GALNT13: variants seen among roughly 807,000 people sequenced by gnomAD.
The protein encoded by GALNT13 is polypeptide N-acetylgalactosaminyltransferase 13.
Under a neutral mutation model 64.2 loss-of-function variants are expected in GALNT13, and 28 were observed. That is an observed-to-expected ratio of 0.44 (90% CI 0.32 to 0.60). The LOEUF (loss-of-function observed/expected upper bound fraction) is 0.60, where lower values mean the gene tolerates loss of function less well. Ranked by LOEUF, GALNT13 falls within the 20% of genes least tolerant of loss-of-function variation. The pLI is 0.05. For synonymous variants in GALNT13, 214 were observed against 224.6 expected (o/e 0.95, Z 0.42); for missense variants, 577 against 669.8 (o/e 0.86, Z 1.53).
chr2:154,291,890 T>C (rs1692665251), intron 8 of GALNT13, among the ~76,000 whole-genome samples: 1 of 152,236 alleles, frequency 6.6e-6, no homozygotes, highest in South Asian at 2.1e-4. Context: ...GTTTTTTCCT[T>C]TTATGTTTGA....
Position 154,399,968 on chromosome 2 carries a change from G to A in GALNT13, c.1296+3838G>A, listed in dbSNP as rs1258582341. ...GTTCTGTGCTTTCTGGAGTATTAAT[G>A]TACTGTAGTTTTCCACTTTAAAACT... is the stretch of plus-strand genomic sequence containing the variant. On this transcript the variant is annotated intron_variant, in intron 10 of 12. Transcript: ENST00000392825. Among the ~76,000 whole-genome samples the A allele has an allele frequency of 2.0e-5, 3 of 152,062 alleles. 1 individual carries two copies. The South Asian group carries it at 6.2e-4, about 31-fold the overall frequency.
chr2:153,454,284 G>T, the GALNT13 span, among the ~76,000 whole-genome samples: 1 of 151,924 alleles, frequency 6.6e-6, no homozygotes, highest in Non-Finnish European at 1.5e-5. Flanking sequence ...TATATATATA[G>T]AACTGTCTTA....
chr2:153,180,902 C>T, the GALNT13 span, among the ~76,000 whole-genome samples: 4 of 151,010 alleles, frequency 2.6e-5, no homozygotes, highest in Non-Finnish European at 5.9e-5. Flanking sequence ...TTTTTAATTG[C>T]CGATTTTTTC....
chr2:154,189,088 A>G (rs1686421633), intron 4 of GALNT13, among the ~76,000 whole-genome samples: 1 of 152,178 alleles, frequency 6.6e-6, no homozygotes, highest in Non-Finnish European at 1.5e-5. Flanking sequence ...GAACTAAGAT[A>G]ATTAAAAAGC....
At chr2:153,081,987 A>G in the GALNT13 span, among the ~76,000 whole-genome samples, 4 of 152,308 alleles carry the variant, frequency 2.6e-5, no homozygotes, top group African/African-American at 9.6e-5. Flanking sequence ...CATTCCCACC[A>G]ACAGTGTACA....
the GALNT13 span, among the ~76,000 whole-genome samples, chr2:153,607,128 A>G: frequency 6.6e-6 from 1 of 151,984 alleles, no homozygotes; most frequent in Non-Finnish European, 1.5e-5. Flanking sequence ...TAGGATCCCC[A>G]GGAACCCAAA....
chr2:153,407,633 T>G, the GALNT13 span, among the ~76,000 whole-genome samples: 1 of 151,202 alleles, frequency 6.6e-6, no homozygotes, highest in Non-Finnish European at 1.5e-5. Flanking sequence ...CATCACTGCT[T>G]GATTAGATTT....
At chr2:153,447,460 A>G in the GALNT13 span, among the ~76,000 whole-genome samples, 8 of 152,218 alleles carry the variant, frequency 5.3e-5, no homozygotes, top group Non-Finnish European at 8.8e-5. Context: ...ACTACAAAGA[A>G]GGGGAAAAAT....
At chr2:153,236,355 C>T in the GALNT13 span, among the ~76,000 whole-genome samples, 4 of 152,098 alleles carry the variant, frequency 2.6e-5, no homozygotes, top group African/African-American at 9.7e-5. Flanking sequence ...GTAGATGGAA[C>T]AGCTTTATAT....
chr2:153,967,956 G>A (rs770726519), intron 3 of GALNT13, among the ~76,000 whole-genome samples: 3 of 151,930 alleles, frequency 2.0e-5, no homozygotes, highest in Non-Finnish European at 4.4e-5. Context: ...GAGTGAGCTG[G>A]TACCCACGTT....
At chr2:153,567,179 T>C in the GALNT13 span, among the ~76,000 whole-genome samples, 1 of 152,240 alleles carries the variant, frequency 6.6e-6, no homozygotes, top group African/African-American at 2.4e-5. Flanking sequence ...TGCGCCATCC[T>C]GAGCATGACT....
At chr2:153,776,884 C>T in the GALNT13 span, among the ~76,000 whole-genome samples, 1,921 of 152,224 alleles carry the variant, frequency 0.013, 36 homozygotes, top group African/African-American at 0.042. Context: ...CCTTGGCCAA[C>T]GCTGCTTTTA....
the GALNT13 span, among the ~76,000 whole-genome samples, chr2:153,454,821 A>G: frequency 1.2e-4 from 18 of 152,362 alleles, no homozygotes; most frequent in Non-Finnish European, 2.4e-4. Flanking sequence ...ACTCACACCA[A>G]CATTCTTTGT....
intron 9 of GALNT13, among the ~76,000 whole-genome samples, chr2:154,356,596 A>T (rs968799617): frequency 2.6e-5 from 4 of 152,004 alleles, no homozygotes; most frequent in South Asian, 2.1e-4. Context: ...TCACTGGCAC[A>T]TCTTTTTGTA....
the GALNT13 span, chr2:153,446,796 C>T: frequency 6.6e-6 from 1 of 151,984 alleles, no homozygotes; most frequent in Admixed American, 6.6e-5. Context: ...CATATTTTTT[C>T]TTCTTTTATC....
the GALNT13 span, among the ~76,000 whole-genome samples, chr2:153,221,782 ACT>A: frequency 1.6e-3 from 249 of 152,332 alleles, 4 homozygotes; most frequent in African/African-American, 5.7e-3. Context: ...AGCTCCAGGC[ACT>A]GGCTCCGTGC....
the GALNT13 span, among the ~76,000 whole-genome samples, chr2:153,328,323 G>A: frequency 2.9e-3 from 441 of 152,306 alleles, 2 homozygotes; most frequent in African/African-American, 9.7e-3. Flanking sequence ...TAGCAGACCT[G>A]CAGTGCTGTG....
chr2:154,210,338 T>G (rs1019321672), intron 4 of GALNT13, among the ~76,000 whole-genome samples: 1 of 152,168 alleles, frequency 6.6e-6, no homozygotes, highest in Non-Finnish European at 1.5e-5. Flanking sequence ...TCGAATCTTT[T>G]GGATATATAC....
At chr2:153,076,994 C>G in the GALNT13 span, among the ~76,000 whole-genome samples, 1 of 151,568 alleles carries the variant, frequency 6.6e-6, no homozygotes, top group South Asian at 2.1e-4. Flanking sequence ...CTCTTTTGCC[C>G]AGGCTGTAGT....
Sources: allele counts gnomAD v4.1 joint callset (sites outside exome capture counted in the v4.1 genomes callset), GRCh38; gene constraint gnomAD v4.1.1; transcripts MANE v1.5; gene names NCBI Gene and HGNC (gene_info 2026-07-23, HGNC 2026-07-21).